Variants in CDC5L observed in about 807,000 individuals in gnomAD.
CDC5L encodes cell division cycle 5-like protein.
A neutral mutation model predicts 104.1 loss-of-function variants in CDC5L; 18 were observed. The observed-to-expected ratio is 0.17, with a 90% CI of 0.12 to 0.26. The LOEUF is 0.26. Ranked by LOEUF, CDC5L falls within the 10% of genes least tolerant of loss-of-function variation. The pLI is 1.00. For missense variants in CDC5L, 673 were observed against 956.9 expected, an observed-to-expected ratio of 0.70 and a Z score of 3.91; for synonymous variants, 331 against 322.7, an observed-to-expected ratio of 1.03 and a Z score of -0.28.
At chr6:44,444,387 T>G (rs1793352276) in intron 14 of CDC5L, among the ~76,000 whole-genome samples, 1 of 152,174 alleles carries the variant, frequency 6.6e-6, no homozygotes, top group Non-Finnish European at 1.5e-5. Flanking sequence ...CAGTCCCTTG[T>G]CTGTGTGGAG....
At chr6:44,409,601 A>G (rs1791537607) in intron 8 of CDC5L, among the ~76,000 whole-genome samples, 1 of 152,186 alleles carries the variant, frequency 6.6e-6, no homozygotes. Context: ...TGTTTTATTC[A>G]GTTGCTAAGT....
chr6:44,439,744 T>C (rs965127295), intron 14 of CDC5L, among the ~76,000 whole-genome samples: 2 of 152,244 alleles, frequency 1.3e-5, no homozygotes, highest in Non-Finnish European at 2.9e-5. Context: ...TGTTGACTGC[T>C]TATTCTGTGC....
intron 13 of CDC5L, 35 bp from the exon 14 acceptor site, chr6:44,429,678 G>A: frequency 6.4e-7 from 1 of 1,572,010 alleles, no homozygotes. Flanking sequence ...AGTGTTTGTA[G>A]TACTTAAACT....
At chr6:44,438,226 G>C (rs974818546) in intron 14 of CDC5L, among the ~76,000 whole-genome samples, 6 of 152,234 alleles carry the variant, frequency 3.9e-5, no homozygotes, top group Non-Finnish European at 7.3e-5. Context: ...AGGATTACAG[G>C]TGTGAACCAC....
intron 10 of CDC5L, 43 bp from the exon 11 acceptor site, chr6:44,424,375 TG>T (rs1488978835): frequency 5.2e-6 from 8 of 1,548,580 alleles, no homozygotes; most frequent in Non-Finnish European, 7.0e-6. Context: ...ACTGGTGGAA[TG>T]TTTAATATGC....
intron 8 of CDC5L, among the ~76,000 whole-genome samples, chr6:44,416,328 A>G (rs1391443907): frequency 1.3e-5 from 2 of 152,180 alleles, no homozygotes; most frequent in Non-Finnish European, 2.9e-5. Context: ...CAGGCATGGA[A>G]GTCTGGAGGG....
chr6:44,412,323 A>T lies in CDC5L; in HGVS notation c.1092+3691A>T, dbSNP rs149652914. Among the ~76,000 whole-genome samples the T allele has an allele frequency of 6.4e-3, 922 of 143,922 alleles. 11 individuals carry two copies. The highest frequency in any genetic ancestry group is 0.021 in the African/African-American group (829 of 38,758). 94.4% of individuals were successfully genotyped at this position (143,922 alleles called of 152,430 possible). A position where few individuals can be genotyped will look rare whatever the true frequency, so the allele number is the denominator to read the frequency against. Reference sequence around the variant, plus strand: ...CTGTCCCCCACTTTTTTTTTTTTTCAGACAGGGTCTCACTCCCATTACCCA... The same window carrying T: ...CTGTCCCCCACTTTTTTTTTTTTTCTGACAGGGTCTCACTCCCATTACCCA... On this transcript the variant is annotated intron_variant, in intron 8 of 15. Transcript: ENST00000371477.
intron 14 of CDC5L, among the ~76,000 whole-genome samples, chr6:44,440,598 G>A (rs1251165943): frequency 6.6e-6 from 1 of 151,752 alleles, no homozygotes. Context: ...TGTTTATGGA[G>A]TAAGATGTGA....
intron 1 of CDC5L, 70 bp downstream of exon 1, chr6:44,387,938 G>GT (rs1474430619): frequency 2.0e-6 from 3 of 1,471,842 alleles, no homozygotes; most frequent in East Asian, 2.6e-5. Flanking sequence ...GCGCGCGGAG[G>GT]TCGGGGGGGC....
intron 14 of CDC5L, among the ~76,000 whole-genome samples, chr6:44,438,150 A>G (rs538931603): frequency 2.6e-4 from 40 of 152,140 alleles, no homozygotes; most frequent in African/African-American, 8.4e-4. Flanking sequence ...GTTTCACTCT[A>G]TTGTCCAGGT....
intron 14 of CDC5L, among the ~76,000 whole-genome samples, chr6:44,431,281 CTAAT>C (rs1335214256): frequency 6.6e-6 from 1 of 152,130 alleles, no homozygotes; most frequent in East Asian, 1.9e-4. Context: ...TTCAGTGCTG[CTAAT>C]TATTTGTATT....
intron 10 of CDC5L, among the ~76,000 whole-genome samples, chr6:44,423,785 A>G (rs1000166123): frequency 6.6e-6 from 1 of 152,226 alleles, no homozygotes. Context: ...TTTCCATTAA[A>G]AATAAACACA....
intron 2 of CDC5L, among the ~76,000 whole-genome samples, chr6:44,391,042 A>G (rs992345678): frequency 7.6e-6 from 1 of 131,194 alleles, no homozygotes; most frequent in Admixed American, 8.1e-5. Flanking sequence ...AATATGTTAT[A>G]TATTATATAT....
chr6:44,431,597 G>T (rs557902677), intron 14 of CDC5L, among the ~76,000 whole-genome samples: 1 of 152,022 alleles, frequency 6.6e-6, no homozygotes, highest in Non-Finnish European at 1.5e-5. Flanking sequence ...AGAACATTTT[G>T]TGCTTTTTTA....
chr6:44,431,709 A>T (rs1792694832), intron 14 of CDC5L, among the ~76,000 whole-genome samples: 1 of 152,202 alleles, frequency 6.6e-6, no homozygotes, highest in African/African-American at 2.4e-5. Flanking sequence ...GGTGCCATAA[A>T]GTACAGTAAT....
intron 7 of CDC5L, among the ~76,000 whole-genome samples, chr6:44,406,906 C>G (rs754442214): frequency 4.0e-5 from 6 of 151,774 alleles, no homozygotes; most frequent in Non-Finnish European, 8.8e-5. Flanking sequence ...GAGTGAGACT[C>G]TGTCTCAAAA....
At position 44,387,724 on chromosome 6, in the gene CDC5L, C is replaced by T; in HGVS notation, c.-100C>T. On this transcript the variant is annotated 5_prime_UTR_variant, in exon 1 of 16. Transcript: ENST00000371477. ...CGCAGATCTTCAAAGCAGAAGGTCG[C>T]GCTTGGAGGAAGTGGCGGCTTTGAG... is the stretch of plus-strand genomic sequence containing the variant. 9.5e-7 allele frequency: 1 copy of T among 1,056,786 alleles called. No individual in the cohort carries two copies. Among genetic ancestry groups the T allele is most frequent in the South Asian group, 1.4e-5 (1 of 73,870 alleles). 65.5% of individuals were successfully genotyped at this position (1,056,786 alleles called of 1,614,324 possible). A position where few individuals can be genotyped will look rare whatever the true frequency, so the allele number is the denominator to read the frequency against.
chr6:44,419,430 TTGTC>T lies in CDC5L; in HGVS notation c.1093-17_1093-14del. 6.2e-7 allele frequency: 1 copy of T among 1,612,622 alleles called. No homozygotes were observed. ...TGTCTAAACTTTTAAACTTGCTTCT[TTGTC>T]TTCTTGTTAATCAGGAAGCCCAGAA... is the stretch of plus-strand genomic sequence containing the variant. On this transcript the variant is annotated splice_polypyrimidine_tract_variant and intron_variant, in intron 8 of 15. Coordinates refer to ENST00000371477, the MANE Select transcript of CDC5L (RefSeq NM_001253.4).
At chr6:44,429,685 A>C in intron 13 of CDC5L, 28 bp from the exon 14 acceptor site, 3 of 1,601,034 alleles carry the variant, frequency 1.9e-6, no homozygotes, top group Non-Finnish European at 2.6e-6. Context: ...GTAGTACTTA[A>C]ACTTATTGAA....
Sources: gnomAD v4.1 joint callset for allele counts (sites outside exome capture counted in the v4.1 genomes callset) on GRCh38, gnomAD v4.1.1 for gene constraint, MANE v1.5 for transcripts, NCBI Gene and HGNC (gene_info 2026-07-23, HGNC 2026-07-21) for gene names.